The following RGS6 variants were observed in gnomAD, a reference collection of about 807,000 sequenced individuals.
RGS6 encodes the protein regulator of G-protein signaling 6.
In RGS6, 30 loss-of-function variants were observed where a neutral mutation model predicts 78.5. The ratio of observed to expected loss-of-function variants is 0.38; its 90% CI spans 0.29 to 0.52. The LOEUF (loss-of-function observed/expected upper bound fraction) is 0.52. RGS6 is among the 20% of genes least tolerant of loss of function. RGS6 has a pLI of 0.85. For synonymous variants in RGS6, 206 were observed against 206.0 expected, an observed-to-expected ratio of 1.00 and a Z score of 0.00; for missense variants, 495 against 609.7, an observed-to-expected ratio of 0.81 and a Z score of 1.98.
intron 14 of RGS6, among the ~76,000 whole-genome samples, chr14:72,516,635 T>C (rs577068918): frequency 3.0e-4 from 45 of 152,334 alleles, no homozygotes; most frequent in African/African-American, 1.0e-3. Context: ...TGGGCCAGCA[T>C]TGAGCCTGTG....
At chr14:72,600,181 C>T in the RGS6 span, among the ~76,000 whole-genome samples, 7 of 152,130 alleles carry the variant, frequency 4.6e-5, no homozygotes, top group African/African-American at 1.7e-4. Context: ...CCCCTCTGCC[C>T]AGCCCAGCCC....
intron 14 of RGS6, among the ~76,000 whole-genome samples, 198 bp downstream of exon 14, chr14:72,510,477 A>G (rs370971919): frequency 2.0e-5 from 3 of 152,214 alleles, no homozygotes; most frequent in African/African-American, 4.8e-5. Flanking sequence ...ACCTACTAAC[A>G]CCAGCATGTT....
At chr14:72,277,601 T>C (rs755347790) in intron 2 of RGS6, among the ~76,000 whole-genome samples, 3 of 138,354 alleles carry the variant, frequency 2.2e-5, no homozygotes, top group Non-Finnish European at 4.7e-5. Context: ...ATCTAAAAAA[T>C]AAAAAAAAAA....
the RGS6 span, among the ~76,000 whole-genome samples, chr14:72,605,724 C>T: frequency 3.0e-4 from 45 of 152,158 alleles, no homozygotes; most frequent in African/African-American, 1.1e-3. Context: ...TTAAGAGTAA[C>T]CCAAGGGAGA....
intron 14 of RGS6, among the ~76,000 whole-genome samples, chr14:72,511,273 T>C (rs959901665): frequency 6.6e-6 from 1 of 152,268 alleles, no homozygotes; most frequent in Non-Finnish European, 1.5e-5. Context: ...GTTTCAATAT[T>C]GTATTACTTT....
At chr14:71,893,043 G>C in the RGS6 span, among the ~76,000 whole-genome samples, 2 of 152,240 alleles carry the variant, frequency 1.3e-5, no homozygotes, top group Non-Finnish European at 2.9e-5. Context: ...TTACAATATA[G>C]ACATTGTAAA....
intron 13 of RGS6, among the ~76,000 whole-genome samples, chr14:72,508,750 G>A (rs1456436928): frequency 6.6e-6 from 1 of 151,966 alleles, no homozygotes; most frequent in East Asian, 1.9e-4. Context: ...TTCCCAATTT[G>A]TAATGTGGAC....
intron 12 of RGS6, among the ~76,000 whole-genome samples, chr14:72,479,520 C>T (rs1258982401): frequency 2.0e-5 from 3 of 152,206 alleles, no homozygotes; most frequent in Non-Finnish European, 4.4e-5. Flanking sequence ...CAAATGTCCC[C>T]TGGGTGGGGT....
At chr14:72,246,971 CCT>C (rs1033885914) in intron 2 of RGS6, among the ~76,000 whole-genome samples, 1 of 150,902 alleles carries the variant, frequency 6.6e-6, no homozygotes. Flanking sequence ...CTTAAATGAT[CCT>C]CTCTGGCTGT....
chr14:72,044,856 T>C (rs1023697902), intron 2 of RGS6, among the ~76,000 whole-genome samples: 5 of 148,736 alleles, frequency 3.4e-5, no homozygotes, highest in Admixed American at 6.8e-5. Context: ...CTGGGCAACA[T>C]AGTAAGACTC....
intron 2 of RGS6, among the ~76,000 whole-genome samples, chr14:72,213,560 A>G (rs1257026649): frequency 6.6e-6 from 1 of 152,182 alleles, no homozygotes; most frequent in African/African-American, 2.4e-5. Context: ...ACTTTGACTC[A>G]TTCCTGAAGC....
In RGS6 at chr14:71,999,769, G is replaced by A. The variant is rs1305970708; in HGVS notation, c.84+34894G>A. On this transcript the variant is annotated intron_variant, in intron 2 of 17. Transcript: ENST00000553525. ...TTGCCTAGCTCCCCCTTCACCTTCCGCCATGATTGTAAGCTTCCTGAGGCC... is the reference window on the plus strand; with the variant it reads ...TTGCCTAGCTCCCCCTTCACCTTCCACCATGATTGTAAGCTTCCTGAGGCC... Among the ~76,000 whole-genome samples the A allele has an allele frequency of 6.0e-5, 6 of 100,496 alleles. No homozygotes were observed. The East Asian group carries it at 1.0e-3, about 17-fold the overall frequency. 65.9% of individuals were successfully genotyped at this position (100,496 alleles called of 152,430 possible).
chr14:71,995,993 A>T (rs987309374), intron 2 of RGS6, among the ~76,000 whole-genome samples: 4 of 152,252 alleles, frequency 2.6e-5, no homozygotes, highest in Non-Finnish European at 1.5e-5. Context: ...CCAAGGGCAC[A>T]GCTTGGTGAC....
intron 2 of RGS6, among the ~76,000 whole-genome samples, chr14:72,091,886 T>C (rs575887295): frequency 1.3e-5 from 2 of 152,338 alleles, no homozygotes; most frequent in East Asian, 3.9e-4. Flanking sequence ...GTATTAATAC[T>C]CTATTCTCTA....
At chr14:72,337,236 C>T (rs1366690784) in intron 2 of RGS6, among the ~76,000 whole-genome samples, 7 of 149,026 alleles carry the variant, frequency 4.7e-5, no homozygotes, top group Non-Finnish European at 1.0e-4. Flanking sequence ...ACCCCCATCA[C>T]CCATTTCAAC....
chr14:72,037,120 G>A (rs569931265), intron 2 of RGS6, among the ~76,000 whole-genome samples: 5 of 152,026 alleles, frequency 3.3e-5, no homozygotes, highest in Non-Finnish European at 5.9e-5. Flanking sequence ...CTGTAAAAAC[G>A]TACCAATCAG....
At chr14:72,569,052 G>A (rs1417862946), downstream of RGS6, among the ~76,000 whole-genome samples, 1 of 152,064 alleles carries the variant, frequency 6.6e-6, no homozygotes, top group African/African-American at 2.4e-5. Context: ...GCCTGTGATC[G>A]CACCCTCAGT....
At chr14:72,297,552 C>G (rs1237077095) in intron 2 of RGS6, among the ~76,000 whole-genome samples, 2 of 147,930 alleles carry the variant, frequency 1.4e-5, no homozygotes, top group African/African-American at 2.5e-5. Flanking sequence ...TTAGGTATAT[C>G]TCCCAATGCT....
intron 2 of RGS6, among the ~76,000 whole-genome samples, chr14:72,132,334 T>C (rs968947456): frequency 3.3e-5 from 5 of 151,344 alleles, no homozygotes; most frequent in Non-Finnish European, 7.4e-5. Flanking sequence ...TGGAGCGCAG[T>C]GACATGATCT....
Sources: gnomAD v4.1 joint callset for allele counts (sites outside exome capture counted in the v4.1 genomes callset) on GRCh38, gnomAD v4.1.1 for gene constraint, MANE v1.5 for transcripts, NCBI Gene and HGNC (gene_info 2026-07-23, HGNC 2026-07-21) for gene names.